The following ADK variants were observed in gnomAD, a reference collection of about 807,000 sequenced individuals.
ADK encodes the protein N6,N6-dimethyladenosine kinase.
ADK carries 24 observed loss-of-function variants against 44.7 expected under a neutral mutation model. That is an observed-to-expected ratio of 0.54 (90% CI 0.39 to 0.76). The LOEUF is 0.76. Ranked by LOEUF, ADK falls within the 30% of genes least tolerant of loss-of-function variation. ADK has a pLI of 0.00. For missense variants in ADK, 321 were observed against 425.1 expected, an observed-to-expected ratio of 0.76 and a Z score of 2.15; for synonymous variants, 128 against 142.6, an observed-to-expected ratio of 0.90 and a Z score of 0.73.
At chr10:74,573,118 C>T (rs1486678473) in intron 7 of ADK, among the ~76,000 whole-genome samples, 7 of 151,552 alleles carry the variant, frequency 4.6e-5, no homozygotes, top group African/African-American at 1.7e-4. Flanking sequence ...TCTGTTTTTT[C>T]CCCATCTTTG....
At chr10:74,292,306 G>A (rs901564758) in intron 3 of ADK, among the ~76,000 whole-genome samples, 3 of 152,108 alleles carry the variant, frequency 2.0e-5, no homozygotes, top group Non-Finnish European at 2.9e-5. Context: ...TGTGGTAGTC[G>A]GTGTATAGGC....
intron 8 of ADK, among the ~76,000 whole-genome samples, chr10:74,592,622 C>T (rs1449978462): frequency 6.6e-6 from 1 of 151,954 alleles, no homozygotes; most frequent in Non-Finnish European, 1.5e-5. Context: ...TACTTCTGCT[C>T]ATAGGGGAAA....
intron 6 of ADK, among the ~76,000 whole-genome samples, chr10:74,462,530 T>C (rs1456000462): frequency 6.6e-6 from 1 of 152,216 alleles, no homozygotes; most frequent in East Asian, 1.9e-4. Context: ...AAGATATATA[T>C]TTCATATCTG....
intron 1 of ADK, chr10:74,176,850 G>A (rs1394442344): frequency 6.2e-7 from 1 of 1,607,726 alleles, no homozygotes. Flanking sequence ...GGGCGCCGTG[G>A]CGCTGGGCAG....
In ADK at chr10:74,449,103, A is replaced by G. The variant is rs559933248; in HGVS notation, c.555+50524A>G. 8.5e-5 allele frequency among the ~76,000 whole-genome samples: 13 copies of G among 152,350 alleles called. No homozygotes were observed. In the East Asian group the frequency reaches 1.7e-3, roughly 20 times the overall value. The stretch of plus-strand genomic sequence containing the variant: ...GAGACTGGCTAAGTAGTCCAAAACC[A>G]TAGGGCAGGCAACCAGGAAGGGGAG... On this transcript the variant is annotated intron_variant, in intron 6 of 10. Coordinates refer to ENST00000539909, the MANE Select transcript of ADK (RefSeq NM_006721.4).
At chr10:74,620,235 G>A (rs185973827) in intron 9 of ADK, among the ~76,000 whole-genome samples, 2 of 152,120 alleles carry the variant, frequency 1.3e-5, no homozygotes, top group East Asian at 1.9e-4. Flanking sequence ...CTCTAATTTT[G>A]TATACTTTTA....
At chr10:74,195,307 G>A (rs1843089310) in intron 1 of ADK, among the ~76,000 whole-genome samples, 1 of 152,130 alleles carries the variant, frequency 6.6e-6, no homozygotes, top group Non-Finnish European at 1.5e-5. Context: ...AGTATTTACT[G>A]GCCTGGACAC....
At chr10:74,338,713 G>GA (rs1163289790) in intron 4 of ADK, among the ~76,000 whole-genome samples, 1 of 151,946 alleles carries the variant, frequency 6.6e-6, no homozygotes, top group African/African-American at 2.4e-5. Flanking sequence ...TTACTTAAAT[G>GA]AAAAAAAATT....
intron 4 of ADK, among the ~76,000 whole-genome samples, chr10:74,392,102 A>G (rs1843357235): frequency 6.6e-6 from 1 of 152,174 alleles, no homozygotes; most frequent in Non-Finnish European, 1.5e-5. Context: ...GCTATCATGA[A>G]TATTGCTGCA....
chr10:74,273,724 C>T (rs1006521711), intron 3 of ADK, among the ~76,000 whole-genome samples: 5 of 152,200 alleles, frequency 3.3e-5, no homozygotes, highest in African/African-American at 7.2e-5. Context: ...TCCCAAAGTG[C>T]TGGGATTACA....
chr10:74,363,325 T>A (rs1337635240), intron 4 of ADK, among the ~76,000 whole-genome samples: 1 of 152,144 alleles, frequency 6.6e-6, no homozygotes, highest in Non-Finnish European at 1.5e-5. Context: ...GAGCCTGGTC[T>A]TGGCTCAGAG....
At chr10:74,634,553 G>C (rs1467992321) in intron 9 of ADK, among the ~76,000 whole-genome samples, 1 of 152,046 alleles carries the variant, frequency 6.6e-6, no homozygotes, top group East Asian at 1.9e-4. Context: ...AATATTTTAG[G>C]TTCACAGGGT....
Position 74,589,327 on chromosome 10 carries a change from C to T in ADK, c.762+10C>T, listed in dbSNP as rs1304645515. On this transcript the variant is annotated intron_variant, in intron 8 of 10. Coordinates refer to ENST00000539909, the MANE Select transcript of ADK (RefSeq NM_006721.4). Reference sequence around the variant, plus strand: ...AGAGCAAGGCTTTGAGGTGAGTTAACCCACAATTGCACACTAAACAGATCC... The same window carrying T: ...AGAGCAAGGCTTTGAGGTGAGTTAATCCACAATTGCACACTAAACAGATCC... The T allele has an allele frequency of 2.5e-6, 4 of 1,613,100 alleles. No individual in the cohort carries two copies.
At chr10:74,563,280 TG>T (rs2133823213) in intron 7 of ADK, among the ~76,000 whole-genome samples, 1 of 152,350 alleles carries the variant, frequency 6.6e-6, no homozygotes, top group South Asian at 2.1e-4. Flanking sequence ...TCAAACTGTT[TG>T]TACATGCTCT....
At chr10:74,569,241 G>C (rs1850831557) in intron 7 of ADK, among the ~76,000 whole-genome samples, 1 of 152,176 alleles carries the variant, frequency 6.6e-6, no homozygotes, top group Non-Finnish European at 1.5e-5. Context: ...AAACATACGT[G>C]TGCATGTGTC....
intron 6 of ADK, among the ~76,000 whole-genome samples, chr10:74,522,941 A>T (rs1456775927): frequency 6.6e-6 from 1 of 152,002 alleles, no homozygotes; most frequent in African/African-American, 2.4e-5. Context: ...TTAAAAGCAA[A>T]TCTCTTCTTT....
At position 74,689,860 on chromosome 10, in the gene ADK, ACTAT is replaced by A. The variant is rs1453311681; in HGVS notation, c.965-18455_965-18452del. 7.2e-5 allele frequency among the ~76,000 whole-genome samples: 11 copies of A among 152,106 alleles called. No homozygotes were observed. In the East Asian group the frequency reaches 1.2e-3, roughly 16 times the overall value. On this transcript the variant is annotated intron_variant, in intron 10 of 10. Transcript: ENST00000539909. ...ACTTGTTTATTTTTCTTCTTTCCTT[ACTAT>A]CTATCACCCAGAATAGTGGTTCTCA...
intron 5 of ADK, among the ~76,000 whole-genome samples, chr10:74,394,685 G>T (rs377221058): frequency 1.1e-3 from 162 of 151,458 alleles, no homozygotes; most frequent in Middle Eastern, 3.4e-3. Flanking sequence ...GTTGGAATAC[G>T]AGAGAGAGAG....
chr10:74,314,524 A>G (rs752349730), intron 3 of ADK, 143 bp from the exon 4 acceptor site: 15 of 640,088 alleles, frequency 2.3e-5, no homozygotes, highest in African/African-American at 3.7e-5. Flanking sequence ...TTGTTATAAG[A>G]TATTTCAATT....
Sources: allele counts gnomAD v4.1 joint callset (sites outside exome capture counted in the v4.1 genomes callset), GRCh38; gene constraint gnomAD v4.1.1; transcripts MANE v1.5; gene names NCBI Gene and HGNC (gene_info 2026-07-23, HGNC 2026-07-21).